ARHGEF17: variants seen among roughly 807,000 people sequenced by gnomAD.
ARHGEF17 encodes 164 kDa Rho-specific guanine-nucleotide exchange factor.
A neutral mutation model predicts 174.0 loss-of-function variants in ARHGEF17; 80 were observed. The observed-to-expected ratio is 0.46, with a 90% CI of 0.38 to 0.55. ARHGEF17 has a LOEUF of 0.55. ARHGEF17 is among the 20% of genes least tolerant of loss of function. The pLI is 0.00. For missense variants in ARHGEF17, 2,886 were observed against 2,839.7 expected, an observed-to-expected ratio of 1.02 and a Z score of -0.37; for synonymous variants, 1,311 against 1,189.1, an observed-to-expected ratio of 1.10 and a Z score of -2.11.
At chr11:73,329,364 TATATATA>T (rs1865162801) in intron 1 of ARHGEF17, among the ~76,000 whole-genome samples, 3 of 18,740 alleles carry the variant, frequency 1.6e-4, no homozygotes, top group African/African-American at 4.5e-4. Context: ...TATATATATA[TATATATA>T]TATTTTTTTT....
At chr11:73,316,391 G>A (rs760389913) in intron 1 of ARHGEF17, among the ~76,000 whole-genome samples, 2 of 150,616 alleles carry the variant, frequency 1.3e-5, no homozygotes, top group Non-Finnish European at 3.0e-5. Context: ...CTAGGGAGGA[G>A]GCCTGTCTGT....
chr11:73,360,142 G>A (rs1190461107), intron 10 of ARHGEF17, among the ~76,000 whole-genome samples, 178 bp from the exon 11 acceptor site: 3 of 152,114 alleles, frequency 2.0e-5, no homozygotes, highest in Admixed American at 6.5e-5. Context: ...AGACATAGCT[G>A]CATCCCCATC....
intron 20 of ARHGEF17, 151 bp from the exon 21 acceptor site, chr11:73,367,433 A>T: frequency 1.7e-6 from 1 of 602,586 alleles, no homozygotes; most frequent in Middle Eastern, 4.6e-4. Context: ...TTCTTTCTAA[A>T]TAAGTTCCTA....
At chr11:73,352,758 CA>C (rs1174666344) in intron 2 of ARHGEF17, 71 bp from the exon 3 acceptor site, 1 of 1,564,892 alleles carries the variant, frequency 6.4e-7, no homozygotes, top group East Asian at 2.3e-5. Context: ...TGCACTCACA[CA>C]GGGGCCCTGT....
chr11:73,366,231 A>G (rs1200411908), intron 20 of ARHGEF17, among the ~76,000 whole-genome samples: 2 of 152,182 alleles, frequency 1.3e-5, no homozygotes, highest in Non-Finnish European at 2.9e-5. Flanking sequence ...GAGGTAGAAT[A>G]TGTCACAAAT....
In ARHGEF17 at chr11:73,365,771, C is replaced by G. The variant is rs1361423541; in HGVS notation, c.5819C>G (p.Ala1940Gly). ...GAGCTGCTGTGGGTGGGCACCAGTG[C>G]TGGTGTCGTCCTCACCATGCCCACT... ...CEELLWVGTSAGVVLTMPTSP... is the reference protein window; with the variant it reads ...CEELLWVGTSGGVVLTMPTSP... The change falls in exon 20 of 21, where the codon GCT becomes GGT. Residue 1940 changes from alanine (A) to glycine (G), a missense_variant. Ala to Gly is a moderately conservative substitution (Grantham distance 60). This residue lies in a region of ARHGEF17 where 329 missense variants were observed against 435.2 expected (regional missense o/e 0.76). Transcript: ENST00000263674. The surrounding 1 kb of genome is among the most constrained non-coding windows in gnomAD (Gnocchi z 4.9). 6.2e-7 allele frequency: 1 copy of G among 1,613,740 alleles called. No homozygotes were observed. The highest frequency in any genetic ancestry group is 1.1e-5 in the South Asian group (1 of 91,078).
At position 73,308,582 on chromosome 11, in the gene ARHGEF17, A is replaced by T. The variant is rs1317717939; in HGVS notation, c.-57A>T. ...CTGCGCTCCTAGGGAGTGGGGGCGCAGGGGGGGTTGGCCGCGGCTGCCCGA... is the reference window on the plus strand; with the variant it reads ...CTGCGCTCCTAGGGAGTGGGGGCGCTGGGGGGGTTGGCCGCGGCTGCCCGA... On this transcript the variant is annotated 5_prime_UTR_variant, in exon 1 of 21. Transcript: ENST00000263674. 3.0e-6 allele frequency: 4 copies of T among 1,354,292 alleles called. No homozygotes were observed. The highest frequency in any genetic ancestry group is 7.6e-5 in the Admixed American group (2 of 26,340). 83.9% of individuals were successfully genotyped at this position (1,354,292 alleles called of 1,614,324 possible). A position where few individuals can be genotyped will look rare whatever the true frequency, so the allele number is the denominator to read the frequency against.
intron 1 of ARHGEF17, among the ~76,000 whole-genome samples, chr11:73,318,333 C>CA (rs1864961606): frequency 6.6e-6 from 1 of 152,052 alleles, no homozygotes; most frequent in Admixed American, 6.5e-5. Context: ...TTGCAGCTGA[C>CA]GGGACAGTAA....
At chr11:73,325,376 GC>G (rs1443590069) in intron 1 of ARHGEF17, among the ~76,000 whole-genome samples, 1 of 152,144 alleles carries the variant, frequency 6.6e-6, no homozygotes, top group Non-Finnish European at 1.5e-5. Flanking sequence ...CCAGGGCTGG[GC>G]CCTGTGCTTG....
intron 1 of ARHGEF17, among the ~76,000 whole-genome samples, chr11:73,317,772 CAG>C (rs2135788593): frequency 6.6e-6 from 1 of 152,304 alleles, no homozygotes; most frequent in East Asian, 1.9e-4. Context: ...GAGACAGACA[CAG>C]AGGAAAACTG....
rs372512796 is a variant in ARHGEF17 at position 73,309,966 on chromosome 11, C to T, written c.1328C>T (p.Ser443Phe). 6.2e-7 allele frequency: 1 copy of T among 1,613,942 alleles called. No individual in the cohort carries two copies. Among genetic ancestry groups the T allele is most frequent in the African/African-American group, 1.3e-5 (1 of 75,036 alleles). The change falls in exon 1 of 21, where the codon TCT becomes TTT. Residue 443 changes from serine to phenylalanine, a missense_variant. By Grantham distance (155) the Ser-to-Phe change is radical (BLOSUM62 -2). Coordinates refer to ENST00000263674, the MANE Select transcript of ARHGEF17 (RefSeq NM_014786.4). Reference sequence around the variant, plus strand: ...CGTGCCAAAGGACCTGGAGGCACCTCTAGGGCATTGAGGGATGGAGGATTT... The same window carrying T: ...CGTGCCAAAGGACCTGGAGGCACCTTTAGGGCATTGAGGGATGGAGGATTT... ...RTRAKGPGGT[S>F]RALRDGGFEP...
At chr11:73,346,062 G>T (rs1865455571) in intron 1 of ARHGEF17, among the ~76,000 whole-genome samples, 1 of 152,110 alleles carries the variant, frequency 6.6e-6, no homozygotes, top group African/African-American at 2.4e-5. Context: ...TGAGCACCCT[G>T]TGCCTGGGGG....
chr11:73,340,809 A>G (rs1591742500), intron 1 of ARHGEF17, among the ~76,000 whole-genome samples: 1 of 152,178 alleles, frequency 6.6e-6, no homozygotes, highest in Non-Finnish European at 1.5e-5. Flanking sequence ...AGGCCTGTCC[A>G]TCCTCCCTTT....
Position 73,335,761 on chromosome 11 carries a change from T to C in ARHGEF17, c.3193-11122T>C, listed in dbSNP as rs118187919. On this transcript the variant is annotated intron_variant, in intron 1 of 20. Transcript: ENST00000263674. ...GCTGTCCATCCTCCACCTCTGAGCA[T>C]GACCTCACCCCCACCACCTCTGCTG... Among the ~76,000 whole-genome samples the C allele has an allele frequency of 4.6e-5, 7 of 152,280 alleles. No individual in the cohort carries two copies. In the East Asian group the frequency reaches 1.4e-3, roughly 29 times the overall value.
At chr11:73,347,765 A>AAGTCTGTCTGAC (rs924267955) in intron 2 of ARHGEF17, among the ~76,000 whole-genome samples, 7 of 152,280 alleles carry the variant, frequency 4.6e-5, no homozygotes, top group Non-Finnish European at 8.8e-5. Context: ...ATGCTTCATG[A>AAGTCTGTCTGAC]AGTCTGTCTG....
intron 1 of ARHGEF17, among the ~76,000 whole-genome samples, chr11:73,345,008 G>C (rs1450043268): frequency 1.3e-5 from 2 of 152,220 alleles, no homozygotes; most frequent in Non-Finnish European, 2.9e-5. Flanking sequence ...CTGAGTGTGA[G>C]GCTGAAGCAA....
chr11:73,310,709 G>C lies in ARHGEF17; in HGVS notation c.2071G>C (p.Gly691Arg). 1 of 1,613,290 alleles carries C rather than the reference G, an allele frequency of 6.2e-7. No homozygotes were observed. Among genetic ancestry groups the C allele is most frequent in the African/African-American group, 1.3e-5 (1 of 75,024 alleles). The change falls in exon 1 of 21, where the codon GGG becomes CGG. Residue 691 changes from glycine (G) to arginine (R), a missense_variant. Coordinates refer to ENST00000263674, the MANE Select transcript of ARHGEF17 (RefSeq NM_014786.4). ...HGPGTEDSLG[G>R]WALVSPETPP... ...CCCTGGGACTGAGGACAGTCTGGGCGGGTGGGCCCTGGTGTCGCCTGAGAC... is the reference window on the plus strand; with the variant it reads ...CCCTGGGACTGAGGACAGTCTGGGCCGGTGGGCCCTGGTGTCGCCTGAGAC...
chr11:73,355,565 T>G lies in ARHGEF17; in HGVS notation c.3486T>G (p.Ser1162=). 1 of 1,614,192 alleles carries G rather than the reference T, an allele frequency of 6.2e-7. No homozygotes were observed. Among genetic ancestry groups the G allele is most frequent in the Non-Finnish European group, 8.5e-7 (1 of 1,180,002 alleles). The change falls in exon 4 of 21, where the codon TCT becomes TCG. Residue 1162 remains serine, a synonymous_variant. Transcript: ENST00000263674. Reference sequence around the variant, plus strand: ...AGGATGTCCTAGTAAACATCTATTCTGCCTATATCGATAACTTCCTCAATG... The same window carrying G: ...AGGATGTCCTAGTAAACATCTATTCGGCCTATATCGATAACTTCCTCAATG... The part of the protein sequence containing the change: ...FSKDVLVNIY[S]AYIDNFLNAK...
chr11:73,314,382 T>C (rs1864894462), intron 1 of ARHGEF17, among the ~76,000 whole-genome samples: 2 of 152,276 alleles, frequency 1.3e-5, no homozygotes, highest in Middle Eastern at 6.8e-3. Context: ...ATTCGTGCTC[T>C]GTGTGGTGTT....
Sources: allele counts gnomAD v4.1 joint callset (sites outside exome capture counted in the v4.1 genomes callset), GRCh38; gene constraint gnomAD v4.1.1; regional missense constraint gnomAD v4.1.1; non-coding constraint Gnocchi (gnomAD v3.1); transcripts MANE v1.5; gene names NCBI Gene and HGNC (gene_info 2026-07-23, HGNC 2026-07-21).